The following INKA2 variants were observed in gnomAD, a reference collection of about 807,000 sequenced individuals.
INKA2 encodes the protein PAK4-inhibitor INKA2.
INKA2 carries 3 observed loss-of-function variants against 9.8 expected under a neutral mutation model. The observed-to-expected ratio is 0.31, with a 90% CI of 0.14 to 0.79. INKA2 has a LOEUF of 0.79. INKA2 is among the 30% of genes least tolerant of loss of function. The pLI, the probability that INKA2 is intolerant of heterozygous loss-of-function variation, is 0.62. For synonymous variants in INKA2, 147 were observed against 143.3 expected (o/e 1.03, Z -0.18); for missense variants, 392 against 384.4 (o/e 1.02, Z -0.17).
chr1:111,740,743 C>T (rs905727742), upstream of INKA2, among the ~76,000 whole-genome samples: 1 of 152,008 alleles, frequency 6.6e-6, no homozygotes, highest in Non-Finnish European at 1.5e-5. Context: ...GAGGCCGAGA[C>T]GGGTGGATCA....
At chr1:111,755,593 C>G (rs878880658) in intron 1 of INKA2, 3 of 1,317,620 alleles carry the variant, frequency 2.3e-6, no homozygotes, top group Non-Finnish European at 3.1e-6. Context: ...AGGGCGGTGG[C>G]GCCGGGGGCA....
chr1:111,734,104 T>C (rs1257759386), intron 1 of INKA2, among the ~76,000 whole-genome samples: 1 of 152,138 alleles, frequency 6.6e-6, no homozygotes, highest in African/African-American at 2.4e-5. Context: ...TGGCTGGAAC[T>C]CTCAACAGGA....
chr1:111,747,963 A>T (rs1233384543), intron 1 of INKA2, among the ~76,000 whole-genome samples: 1 of 152,062 alleles, frequency 6.6e-6, no homozygotes, highest in Non-Finnish European at 1.5e-5. Flanking sequence ...TTATCCTTCT[A>T]CTATTGCTGT....
chr1:111,755,563 G>A, intron 1 of INKA2: 3 of 928,226 alleles, frequency 3.2e-6, no homozygotes, highest in Non-Finnish European at 4.8e-6. Flanking sequence ...CGCACCGGGC[G>A]CATCACAAAG....
At chr1:111,755,644 GC>G (rs1663524333) in intron 1 of INKA2, 2 of 1,608,654 alleles carry the variant, frequency 1.2e-6, no homozygotes, top group African/African-American at 2.7e-5. Flanking sequence ...GAGAGGCGGG[GC>G]GGTGCCCCCA....
upstream of INKA2, chr1:111,740,121 A>G (rs1240522214): frequency 2.0e-5 from 3 of 152,282 alleles, no homozygotes; most frequent in South Asian, 4.1e-4. Context: ...ATTTCAGACA[A>G]TGATTTTTAT....
At chr1:111,732,113 C>T (rs1354177640) in intron 1 of INKA2, among the ~76,000 whole-genome samples, 3 of 152,274 alleles carry the variant, frequency 2.0e-5, no homozygotes, top group East Asian at 1.9e-4. Context: ...GGGGCAGGAG[C>T]GTTAGCTGGT....
rs1333327274 is a variant in INKA2, at chr1:111,722,329, AG to A, written c.*4638del. ...CAGCACCTTTAGGCCATTAGTTTCC[AG>A]GGTGGCCGGAGGGCAGGAGGAAGGG... On this transcript the variant is annotated 3_prime_UTR_variant, in exon 2 of 2. Transcript: ENST00000357260. 6.6e-6 allele frequency: 1 copy of A among 152,600 alleles called. No homozygotes were observed. The highest frequency in any genetic ancestry group is 2.4e-5 in the African/African-American group (1 of 41,446). 9.5% of individuals were successfully genotyped at this position (152,600 alleles called of 1,614,324 possible).
chr1:111,731,146 G>A (rs1425638381), intron 1 of INKA2, among the ~76,000 whole-genome samples: 1 of 152,198 alleles, frequency 6.6e-6, no homozygotes, highest in African/African-American at 2.4e-5. Flanking sequence ...ATGAATGTGT[G>A]GGTATGCATG....
At chr1:111,742,312 C>T (rs1009988824), upstream of INKA2, among the ~76,000 whole-genome samples, 4 of 152,146 alleles carry the variant, frequency 2.6e-5, no homozygotes, top group South Asian at 8.3e-4. Flanking sequence ...CTGGGCTGGG[C>T]GCAGTGACTC....
Position 111,722,984 on chromosome 1 carries a change from G to A in INKA2, c.*3984C>T. On this transcript the variant is annotated 3_prime_UTR_variant, in exon 2 of 2. Coordinates refer to ENST00000357260, the MANE Select transcript of INKA2 (RefSeq NM_019099.5). Reference sequence around the variant, plus strand: ...CCCCACATTATCACCTTTCACAGATGAGAAACACAAGGTTCAGAGAGATCA... The same window carrying A: ...CCCCACATTATCACCTTTCACAGATAAGAAACACAAGGTTCAGAGAGATCA... 1 of 678,204 alleles carries A rather than the reference G, an allele frequency of 1.5e-6. No individual in the cohort carries two copies. The highest frequency in any genetic ancestry group is 2.7e-6 in the Non-Finnish European group (1 of 374,204). 42.0% of individuals were successfully genotyped at this position (678,204 alleles called of 1,614,324 possible). A position where few individuals can be genotyped will look rare whatever the true frequency, so the allele number is the denominator to read the frequency against.
Position 111,739,339 on chromosome 1 carries a change from C to A in INKA2, c.-97G>T. ...TCCGGGCCGGCTCCCCGCCCCTGCGCCCGTAGCGCTCGCAGCGCGGAGCTG... is the reference window on the plus strand; with the variant it reads ...TCCGGGCCGGCTCCCCGCCCCTGCGACCGTAGCGCTCGCAGCGCGGAGCTG... On this transcript the variant is annotated 5_prime_UTR_variant, in exon 1 of 2. Transcript: ENST00000357260. 1 of 1,572,382 alleles carries A rather than the reference C, an allele frequency of 6.4e-7. No individual in the cohort carries two copies. Among genetic ancestry groups the A allele is most frequent in the East Asian group, 2.4e-5 (1 of 42,074 alleles).
intron 1 of INKA2, chr1:111,745,289 ATATATTTTTTT>A (rs1663244429): frequency 3.8e-5 from 2 of 52,690 alleles, no homozygotes; most frequent in African/African-American, 1.9e-4. Flanking sequence ...ATATATATAT[ATATATTTTTTT>A]TTTTTTTTTT....
At chr1:111,728,276 G>T (rs867641001) in intron 1 of INKA2, among the ~76,000 whole-genome samples, 41 of 152,122 alleles carry the variant, frequency 2.7e-4, no homozygotes, top group African/African-American at 8.7e-4. Flanking sequence ...AGTGATGATG[G>T]CGGAAAAAAC....
rs116174843 is a variant in INKA2 at position 111,749,696 on chromosome 1, G to T, written n.124+6005C>A. Among the ~76,000 whole-genome samples the T allele has an allele frequency of 5.3e-4, 81 of 152,032 alleles. 2 individuals are homozygous for T. In the East Asian group the frequency reaches 0.015, roughly 28 times the overall value. ...CTCCTTTGTGTCACATTCTTCCATC[G>T]GTCAGCAGGCAACTGACAGGTGTAC... On this transcript the variant is annotated intron_variant and non_coding_transcript_variant, in intron 1 of 1. Transcript: ENST00000444059.
chr1:111,751,744 G>A (rs939129607), intron 1 of INKA2, among the ~76,000 whole-genome samples: 4 of 152,084 alleles, frequency 2.6e-5, no homozygotes, highest in African/African-American at 7.2e-5. Flanking sequence ...CCAGACCTCC[G>A]TTTTCCCCTC....
chr1:111,747,705 C>T (rs911464443), intron 1 of INKA2: 1 of 152,228 alleles, frequency 6.6e-6, no homozygotes, highest in African/African-American at 2.4e-5. Context: ...AGTATCCTCC[C>T]TATTGAAAAA....
chr1:111,751,855 T>C (rs1203166917), intron 1 of INKA2, among the ~76,000 whole-genome samples: 6 of 152,180 alleles, frequency 3.9e-5, no homozygotes, highest in African/African-American at 1.4e-4. Flanking sequence ...TCCAATGTCC[T>C]TTCCCCCTTC....
chr1:111,749,421 G>GGTGTGT (rs58362318), intron 1 of INKA2, among the ~76,000 whole-genome samples: 12 of 149,990 alleles, frequency 8.0e-5, no homozygotes, highest in African/African-American at 2.5e-4. Flanking sequence ...TGTGTGTTGG[G>GGTGTGT]GTGTGTGTGT....
Sources: gnomAD v4.1 joint callset for allele counts (sites outside exome capture counted in the v4.1 genomes callset) on GRCh38, gnomAD v4.1.1 for gene constraint, MANE v1.5 for transcripts, NCBI Gene and HGNC (gene_info 2026-07-23, HGNC 2026-07-21) for gene names.